The following PARD3B variants were observed in gnomAD, a reference collection of about 807,000 sequenced individuals.
The protein encoded by PARD3B is par-3 family cell polarity regulator beta.
PARD3B carries 103 observed loss-of-function variants against 130.2 expected under a neutral mutation model. The observed-to-expected ratio is 0.79, with a 90% CI of 0.67 to 0.93. The LOEUF (loss-of-function observed/expected upper bound fraction) is 0.93, where lower values mean the gene tolerates loss of function less well. Ranked by LOEUF, PARD3B falls within the 40% of genes least tolerant of loss-of-function variation. The pLI is 0.00. For missense variants in PARD3B, 1,609 were observed against 1,499.2 expected (o/e 1.07, Z -1.21); for synonymous variants, 583 against 553.2 (o/e 1.05, Z -0.76).
chr2:205,300,554 C>G lies in PARD3B; in HGVS notation c.2210C>G (p.Pro737Arg), dbSNP rs1559636714. The change falls in exon 17 of 23, where the codon CCA becomes CGA. Residue 737 changes from proline (P) to arginine (R), a missense_variant. By Grantham distance (103) the Pro-to-Arg change is moderately radical. Coordinates refer to ENST00000406610, the MANE Select transcript of PARD3B (RefSeq NM_001302769.2). The surrounding 1 kb of genome is among the most constrained non-coding windows in gnomAD (Gnocchi z 4.1). ...KSESPSKDFGPTLGLKKSSSL... is the reference protein window; with the variant it reads ...KSESPSKDFGRTLGLKKSSSL... The stretch of plus-strand genomic sequence containing the variant: ...GAATCTCCAAGCAAAGATTTTGGTC[C>G]AACTCTGGGTTTGAAAAAGTCCAGC... 6.2e-7 allele frequency: 1 copy of G among 1,613,662 alleles called. No individual in the cohort carries two copies. Among genetic ancestry groups the G allele is most frequent in the Non-Finnish European group, 8.5e-7 (1 of 1,179,932 alleles).
intron 4 of PARD3B, 72 bp from the exon 5 acceptor site, chr2:205,104,354 T>G: frequency 8.9e-7 from 1 of 1,120,432 alleles, no homozygotes. Context: ...CTCTCCCATA[T>G]TGGGATATTT....
intron 2 of PARD3B, among the ~76,000 whole-genome samples, chr2:204,731,647 C>A (rs1340638096): frequency 5.9e-5 from 9 of 152,110 alleles, no homozygotes; most frequent in Non-Finnish European, 4.4e-5. Context: ...TTAATAGAAT[C>A]ACACCTGAAT....
At position 205,461,188 on chromosome 2, in the gene PARD3B, C is replaced by T. The variant is rs1319577063; in HGVS notation, c.3044+20516C>T. 2.0e-5 allele frequency among the ~76,000 whole-genome samples: 3 copies of T among 152,050 alleles called. No homozygotes were observed. The highest frequency in any genetic ancestry group is 2.1e-4 in the South Asian group (1 of 4,816). The stretch of plus-strand genomic sequence containing the variant: ...ATCAAGAAAGAAGTCACTGAGAAAG[C>T]GACATTTAAGTCGAGACTCAAAGAG... On this transcript the variant is annotated intron_variant, in intron 20 of 22. Transcript: ENST00000406610. The surrounding 1 kb of genome is among the most constrained non-coding windows in gnomAD (Gnocchi z 4.3).
At chr2:205,033,988 A>G (rs1697614169) in intron 3 of PARD3B, among the ~76,000 whole-genome samples, 1 of 152,182 alleles carries the variant, frequency 6.6e-6, no homozygotes, top group Admixed American at 6.6e-5. Context: ...CAAGGCTGAT[A>G]ACATGTGCTG....
At chr2:204,571,109 ACTT>A (rs2031979648) in intron 1 of PARD3B, among the ~76,000 whole-genome samples, 1 of 152,158 alleles carries the variant, frequency 6.6e-6, no homozygotes, top group Admixed American at 6.5e-5. Flanking sequence ...TATTTCTACT[ACTT>A]CAGGCAATAT....
At chr2:205,240,343 A>C (rs1341710527) in intron 15 of PARD3B, among the ~76,000 whole-genome samples, 1 of 152,222 alleles carries the variant, frequency 6.6e-6, no homozygotes, top group African/African-American at 2.4e-5. Flanking sequence ...AACTATCCAA[A>C]GAGAAGTATT....
chr2:204,951,658 A>G (rs1270294387), intron 2 of PARD3B, among the ~76,000 whole-genome samples: 1 of 152,326 alleles, frequency 6.6e-6, no homozygotes, highest in Middle Eastern at 3.4e-3. Context: ...CATGTAAATA[A>G]AATAAGTATT....
chr2:204,683,865 G>A (rs2036954908), intron 1 of PARD3B, among the ~76,000 whole-genome samples: 1 of 152,096 alleles, frequency 6.6e-6, no homozygotes, highest in South Asian at 2.1e-4. Context: ...AATGTATCAA[G>A]ATACTTTTTT....
chr2:205,539,223 T>C (rs933461987), intron 21 of PARD3B, among the ~76,000 whole-genome samples: 1 of 152,108 alleles, frequency 6.6e-6, no homozygotes, highest in African/African-American at 2.4e-5. Flanking sequence ...TCTCTTTGAG[T>C]GAAATAGTCT....
intron 22 of PARD3B, among the ~76,000 whole-genome samples, chr2:205,615,196 C>A (rs543858385): frequency 1.1e-4 from 16 of 152,294 alleles, no homozygotes; most frequent in African/African-American, 3.9e-4. Flanking sequence ...CAGGCTCTCA[C>A]CTTCTTGTTG....
In PARD3B at chr2:205,075,858, A is replaced by G. The variant is rs543934703; in HGVS notation, c.504+28168A>G. ...AAGTAGGAATCAAATTTTAAACATG[A>G]TGGTAATGTTCAAACTGATAAAACT... is the stretch of plus-strand genomic sequence containing the variant. On this transcript the variant is annotated intron_variant, in intron 4 of 22. Transcript: ENST00000406610. 2.0e-5 allele frequency among the ~76,000 whole-genome samples: 3 copies of G among 152,220 alleles called. No homozygotes were observed. In the South Asian group the frequency reaches 6.2e-4, roughly 32 times the overall value.
At position 205,128,320 on chromosome 2, in the gene PARD3B, T is replaced by G. The variant is rs2031661932; in HGVS notation, c.1434+2583T>G. On this transcript the variant is annotated intron_variant, in intron 10 of 22. Transcript: ENST00000406610. The surrounding 1 kb of genome is among the most constrained non-coding windows in gnomAD (Gnocchi z 4.5). ...CCTTTCTCCCATATGTCCTCTGGAA[T>G]TTTTAACCCCACAGTTAATACCTTC... Among the ~76,000 whole-genome samples, 1 of 152,216 alleles carries G rather than the reference T, an allele frequency of 6.6e-6. No homozygotes were observed. Among genetic ancestry groups the G allele is most frequent in the South Asian group, 2.1e-4 (1 of 4,828 alleles).
chr2:204,770,644 A>G (rs1347766481), intron 2 of PARD3B, among the ~76,000 whole-genome samples: 1 of 152,054 alleles, frequency 6.6e-6, no homozygotes, highest in African/African-American at 2.4e-5. Context: ...TCTGCGATGC[A>G]TGATGCGATA....
chr2:205,259,370 C>G (rs889563104), intron 16 of PARD3B, among the ~76,000 whole-genome samples: 3 of 150,920 alleles, frequency 2.0e-5, no homozygotes, highest in African/African-American at 7.2e-5. Flanking sequence ...TAAAGTTAGA[C>G]TTATAGCACA....
rs1425056540 is a variant in PARD3B, at chr2:205,458,331, C to G, written c.3044+17659C>G. 6.6e-6 allele frequency among the ~76,000 whole-genome samples: 1 copy of G among 152,032 alleles called. No individual in the cohort carries two copies. Among genetic ancestry groups the G allele is most frequent in the African/African-American group, 2.4e-5 (1 of 41,418 alleles). On this transcript the variant is annotated intron_variant, in intron 20 of 22. Transcript: ENST00000406610. The surrounding 1 kb of genome is among the most constrained non-coding windows in gnomAD (Gnocchi z 4.8). ...TTTTCTTCTGTCTTTCTCTCTCTCT[C>G]CCTTCCTTCTGGGATCCAATAAAGC...
intron 3 of PARD3B, among the ~76,000 whole-genome samples, chr2:205,014,588 A>G (rs1036168172): frequency 4.6e-5 from 7 of 152,220 alleles, no homozygotes; most frequent in African/African-American, 1.7e-4. Context: ...AAATGTGCCT[A>G]TGATTGAGAT....
intron 21 of PARD3B, among the ~76,000 whole-genome samples, chr2:205,537,568 G>A (rs6435286): frequency 0.035 from 5,285 of 152,138 alleles, 327 homozygotes; most frequent in African/African-American, 0.12. Flanking sequence ...TCCACCAGTC[G>A]GCAGGGCTAA....
intron 3 of PARD3B, among the ~76,000 whole-genome samples, chr2:205,002,727 TTTCC>T (rs1694945619): frequency 6.6e-6 from 1 of 152,198 alleles, no homozygotes; most frequent in South Asian, 2.1e-4. Flanking sequence ...AGATCAGGTC[TTTCC>T]CCTGCTTCAT....
At chr2:204,671,318 G>GAGAT (rs2036285712) in intron 1 of PARD3B, among the ~76,000 whole-genome samples, 1 of 152,138 alleles carries the variant, frequency 6.6e-6, no homozygotes, top group African/African-American at 2.4e-5. Context: ...AGTTTCTCCA[G>GAGAT]AGATAATATC....
Sources: allele counts gnomAD v4.1 joint callset (sites outside exome capture counted in the v4.1 genomes callset), GRCh38; gene constraint gnomAD v4.1.1; non-coding constraint Gnocchi (gnomAD v3.1); transcripts MANE v1.5; gene names NCBI Gene and HGNC (gene_info 2026-07-23, HGNC 2026-07-21).